NUP210L: variants seen among roughly 807,000 people sequenced by gnomAD.
NUP210L encodes the protein nucleoporin 210 like.
NUP210L carries 74 observed loss-of-function variants against 208.5 expected under a neutral mutation model. The observed-to-expected ratio is 0.35, with a 90% CI of 0.29 to 0.43. The LOEUF is 0.43. Ranked by LOEUF, NUP210L falls within the 20% of genes least tolerant of loss-of-function variation. NUP210L has a pLI of 1.00. For missense variants in NUP210L, 1,843 were observed against 2,289.4 expected (o/e 0.81, Z 3.98); for synonymous variants, 780 against 816.9 (o/e 0.95, Z 0.77).
At chr1:154,042,086 T>A (rs1251240849) in intron 27 of NUP210L, among the ~76,000 whole-genome samples, 2 of 151,956 alleles carry the variant, frequency 1.3e-5, no homozygotes, top group African/African-American at 4.8e-5. Context: ...AAGAAGGCCT[T>A]TCCCTCTCTC....
At chr1:154,126,833 T>TA (rs919638536) in intron 9 of NUP210L, among the ~76,000 whole-genome samples, 13 of 152,182 alleles carry the variant, frequency 8.5e-5, no homozygotes, top group African/African-American at 3.1e-4. Context: ...AAAACTCTGG[T>TA]AACCATCTAG....
intron 37 of NUP210L, among the ~76,000 whole-genome samples, chr1:153,999,355 G>A (rs1485900748): frequency 6.6e-6 from 1 of 152,174 alleles, no homozygotes; most frequent in African/African-American, 2.4e-5. Flanking sequence ...ATCAGGATTT[G>A]GGAAAGCTAA....
chr1:154,036,366 CT>C (rs34750631), intron 27 of NUP210L, among the ~76,000 whole-genome samples: 19,473 of 65,304 alleles, frequency 0.3, 2,509 homozygotes, highest in South Asian at 0.46. Context: ...GTGTGTATAA[CT>C]TTTTTTTTTT....
intron 15 of NUP210L, among the ~76,000 whole-genome samples, chr1:154,093,665 G>A (rs940877313): frequency 6.6e-6 from 1 of 152,108 alleles, no homozygotes; most frequent in Admixed American, 6.5e-5. Flanking sequence ...GAAGTTCAAT[G>A]GATTACAGCA....
intron 27 of NUP210L, among the ~76,000 whole-genome samples, chr1:154,032,968 GAAAAGA>G (rs1360333219): frequency 2.4e-5 from 3 of 122,594 alleles, no homozygotes; most frequent in Middle Eastern, 3.5e-3. Flanking sequence ...GAAAAGAAAA[GAAAAGA>G]AAAGAAAAGA....
intron 12 of NUP210L, among the ~76,000 whole-genome samples, chr1:154,107,968 A>G (rs1656853073): frequency 6.6e-6 from 1 of 152,176 alleles, no homozygotes; most frequent in African/African-American, 2.4e-5. Context: ...CAAATCTAAG[A>G]GCTACTGGCC....
chr1:154,106,279 A>C (rs1193510446), intron 12 of NUP210L, among the ~76,000 whole-genome samples: 1 of 152,050 alleles, frequency 6.6e-6, no homozygotes, highest in Admixed American at 6.6e-5. Context: ...AAATAAATAA[A>C]TAAATAAAAA....
chr1:154,082,722 T>C lies in NUP210L; in HGVS notation c.2361+6699A>G, dbSNP rs151295464. ...TTACGGAACTGGTCAGAAACGGAGT[T>C]TGTTCCTTCAGATGCGTCCAGAGTT... On this transcript the variant is annotated intron_variant, in intron 16 of 39. Coordinates refer to ENST00000368559, the Ensembl canonical transcript of NUP210L. Among the ~76,000 whole-genome samples the C allele has an allele frequency of 1.9e-3, 291 of 152,334 alleles. 2 individuals are homozygous for C. Among genetic ancestry groups the C allele is most frequent in the African/African-American group, 6.6e-3 (273 of 41,588 alleles).
chr1:154,152,709 T>A, intron 2 of NUP210L, 27 bp downstream of exon 2: 1 of 1,604,936 alleles, frequency 6.2e-7, no homozygotes. Context: ...GAAGAAGTGA[T>A]ACATAGTGTT....
intron 27 of NUP210L, among the ~76,000 whole-genome samples, chr1:154,042,901 G>T (rs565885446): frequency 6.7e-6 from 1 of 149,772 alleles, no homozygotes; most frequent in African/African-American, 2.5e-5. Flanking sequence ...TGGTAGAGAC[G>T]GGGTTTCGCC....
intron 27 of NUP210L, among the ~76,000 whole-genome samples, chr1:154,037,920 C>T (rs1165199066): frequency 6.6e-6 from 1 of 151,858 alleles, no homozygotes; most frequent in African/African-American, 2.4e-5. Flanking sequence ...TGCCCAGCCA[C>T]TCTATGTCTT....
chr1:154,013,077 A>G (rs1651036056), intron 33 of NUP210L, among the ~76,000 whole-genome samples: 1 of 151,576 alleles, frequency 6.6e-6, no homozygotes, highest in East Asian at 1.9e-4. Flanking sequence ...CTCCAAAAAA[A>G]AAAAAAGACA....
Position 154,051,624 on chromosome 1 carries a change from G to A in NUP210L, c.3483+2604C>T, listed in dbSNP as rs577770259. 2.0e-5 allele frequency among the ~76,000 whole-genome samples: 3 copies of A among 152,264 alleles called. No homozygotes were observed. The South Asian group carries it at 6.2e-4, about 32-fold the overall frequency. On this transcript the variant is annotated intron_variant, in intron 25 of 39. Coordinates refer to ENST00000368559, the Ensembl canonical transcript of NUP210L. ...TCCAGCGATGCCCAACTTGCCAGATGGTACATTTCTCATCTTTTACAGCAG... is the reference window on the plus strand; with the variant it reads ...TCCAGCGATGCCCAACTTGCCAGATAGTACATTTCTCATCTTTTACAGCAG...
intron 32 of NUP210L, 98 bp downstream of exon 32, chr1:154,022,028 C>A: frequency 2.7e-6 from 3 of 1,099,942 alleles, no homozygotes; most frequent in Admixed American, 1.8e-5. Flanking sequence ...AACCACTATA[C>A]CAGTCCAAGG....
chr1:154,123,479 A>C lies in NUP210L; in HGVS notation c.1326+2844T>G, dbSNP rs149161292. Among the ~76,000 whole-genome samples the C allele has an allele frequency of 2.6e-4, 40 of 152,258 alleles. No individual in the cohort carries two copies. In the East Asian group the frequency reaches 6.2e-3, roughly 24 times the overall value. On this transcript the variant is annotated intron_variant, in intron 10 of 39. Coordinates refer to ENST00000368559, the Ensembl canonical transcript of NUP210L. ...TTTTCTTAATGACTAATCATGCTGA[A>C]CATCTTTTAATGTGCTATTAGCCAT...
At chr1:154,057,608 T>TC (rs1201620085) in intron 22 of NUP210L, among the ~76,000 whole-genome samples, 1 of 151,774 alleles carries the variant, frequency 6.6e-6, no homozygotes, top group Non-Finnish European at 1.5e-5. Flanking sequence ...CCAAAAGATA[T>TC]CATCCAAGGA....
chr1:154,095,480 A>G (rs1656135840), intron 14 of NUP210L, among the ~76,000 whole-genome samples: 2 of 152,144 alleles, frequency 1.3e-5, no homozygotes, highest in African/African-American at 4.8e-5. Context: ...ATGTTATTAT[A>G]TGTGTGTCAA....
At chr1:154,037,180 T>G (rs1208466061) in intron 27 of NUP210L, among the ~76,000 whole-genome samples, 3 of 152,234 alleles carry the variant, frequency 2.0e-5, no homozygotes, top group Non-Finnish European at 4.4e-5. Context: ...ATAGAAGTTC[T>G]GTAAATATCT....
intron 37 of NUP210L, among the ~76,000 whole-genome samples, chr1:153,999,189 C>G (rs1650064263): frequency 6.6e-6 from 1 of 152,142 alleles, no homozygotes; most frequent in Admixed American, 6.6e-5. Flanking sequence ...TTAGATAGTT[C>G]CCAGTAATTA....
Sources: allele counts gnomAD v4.1 joint callset (sites outside exome capture counted in the v4.1 genomes callset), GRCh38; gene constraint gnomAD v4.1.1; transcripts MANE v1.5; gene names NCBI Gene and HGNC (gene_info 2026-07-23, HGNC 2026-07-21).